The following FAM217B variants were observed in gnomAD, a reference collection of about 807,000 sequenced individuals.
FAM217B encodes family with sequence similarity 217 member B.
For missense variants in FAM217B, 463 were observed against 456.9 expected, an observed-to-expected ratio of 1.01 and a Z score of -0.12; for synonymous variants, 163 against 173.0, an observed-to-expected ratio of 0.94 and a Z score of 0.45.
At chr20:59,938,718 G>C (rs1227003241), upstream of FAM217B, 2 of 267,858 alleles carry the variant, frequency 7.5e-6, no homozygotes, top group Non-Finnish European at 1.4e-5. Flanking sequence ...AGGAGGACTT[G>C]GGCCTTTGCA....
intron 1 of FAM217B, among the ~76,000 whole-genome samples, chr20:59,935,133 A>G (rs2060852069): frequency 6.6e-6 from 1 of 152,236 alleles, no homozygotes; most frequent in African/African-American, 2.4e-5. Context: ...AAGATCGAAG[A>G]GTGCTTCAAA....
At position 59,944,824 on chromosome 20, in the gene FAM217B, A is replaced by G. The variant is rs1281676016; in HGVS notation, c.881A>G (p.Lys294Arg). 6.2e-6 allele frequency: 10 copies of G among 1,614,112 alleles called. No individual in the cohort carries two copies. The South Asian group carries it at 1.1e-4, about 18-fold the overall frequency. ...QTLEMRTEEKKKKSSKSTKLQ... is the reference protein window; with the variant it reads ...QTLEMRTEEKRKKSSKSTKLQ... ...CTTGAAATGAGGACAGAAGAAAAGA[A>G]AAAGAAATCAAGTAAGAGTACGAAG... Residue 294 changes from lysine to arginine, a missense_variant, in exon 4 of 4, where the codon AAA becomes AGA. Transcript: ENST00000360816.
In FAM217B at chr20:59,948,283, T is replaced by C. The variant is rs758518091; in HGVS notation, c.*3188T>C. On this transcript the variant is annotated 3_prime_UTR_variant, in exon 4 of 4. Transcript: ENST00000360816. ...AAAAAGGATGGGGAAGAGAATATCATTGGTCTTGCCATATACCTCCTAGCT... is the reference window on the plus strand; with the variant it reads ...AAAAAGGATGGGGAAGAGAATATCACTGGTCTTGCCATATACCTCCTAGCT... The C allele has an allele frequency of 1.2e-5, 2 of 167,036 alleles. No homozygotes were observed. The highest frequency in any genetic ancestry group is 2.9e-5 in the Non-Finnish European group (2 of 68,106). 10.3% of individuals were successfully genotyped at this position (167,036 alleles called of 1,614,324 possible).
At position 59,942,299 on chromosome 20, in the gene FAM217B, C is replaced by T. The variant is rs1388146980; in HGVS notation, c.-101C>T. ...AGATTGAGCAAGAATATTTTGAGCA[C>T]TACAGGAAAGGTAATGTAAACTTAG... On this transcript the variant is annotated 5_prime_UTR_variant, in exon 2 of 4. Transcript: ENST00000360816. 6.6e-6 allele frequency: 1 copy of T among 152,570 alleles called. No individual in the cohort carries two copies. The highest frequency in any genetic ancestry group is 6.5e-5 in the Admixed American group (1 of 15,276). The allele number at this position is 152,570 out of a possible 1,614,324, so 9.5% of individuals were successfully genotyped here.
chr20:59,944,818 A>C lies in FAM217B; in HGVS notation c.875A>C (p.Glu292Ala). ...QRQTLEMRTE[E>A]KKKKSSKSTK... The stretch of plus-strand genomic sequence containing the variant: ...CAAACCCTTGAAATGAGGACAGAAG[A>C]AAAGAAAAAGAAATCAAGTAAGAGT... Residue 292 changes from glutamate (E) to alanine (A), a missense_variant, in exon 4 of 4, where the codon GAA becomes GCA. By Grantham distance (107) the Glu-to-Ala change is moderately radical. Coordinates refer to ENST00000360816, the MANE Select transcript of FAM217B (RefSeq NM_022106.3). 1 of 1,614,200 alleles carries C rather than the reference A, an allele frequency of 6.2e-7. No individual in the cohort carries two copies.
chr20:59,935,509 T>C (rs1042794999), upstream of FAM217B, among the ~76,000 whole-genome samples: 1 of 152,222 alleles, frequency 6.6e-6, no homozygotes, highest in African/African-American at 2.4e-5. Flanking sequence ...GGTTCACACA[T>C]ATACTCCCTG....
rs1374637005 is a variant in FAM217B at position 59,944,550 on chromosome 20, G to C, written c.607G>C (p.Gly203Arg). The C allele has an allele frequency of 8.7e-6, 14 of 1,614,004 alleles. No homozygotes were observed. The highest frequency in any genetic ancestry group is 1.7e-5 in the Admixed American group (1 of 60,016). The change falls in exon 4 of 4, where the codon GGG becomes CGG. Residue 203 changes from glycine (G) to arginine (R), a missense_variant. Physicochemically the swap from Gly to Arg is moderately radical, Grantham distance 125 (BLOSUM62 -2). Transcript: ENST00000360816. ...GACTGTACAGTGTGAAAAAGCAAAG[G>C]GGGGCAAAGCAAGGCCCCCCACTGC... ...VQTVQCEKAK[G>R]GKARPPTAPG...
rs749772542 is a variant in FAM217B at position 59,943,903 on chromosome 20, CAT to C, written c.-4-34_-4-33del. ...TAATTATAGCCAGACCATTTTTTGT[CAT>C]ATGTGGTAAGAATTGCAGTTTTATT... On this transcript the variant is annotated intron_variant, in intron 3 of 3. Coordinates refer to ENST00000360816, the MANE Select transcript of FAM217B (RefSeq NM_022106.3). 4.1e-5 allele frequency: 62 copies of C among 1,497,980 alleles called. No individual in the cohort carries two copies. The East Asian group carries it at 1.4e-3, about 34-fold the overall frequency. 92.8% of individuals were successfully genotyped at this position (1,497,980 alleles called of 1,614,324 possible). A position where few individuals can be genotyped will look rare whatever the true frequency, so the allele number is the denominator to read the frequency against.
rs1340114831 is a variant in FAM217B, at chr20:59,944,060, T to C, written c.117T>C (p.Ala39=). 4 of 1,614,042 alleles carry C rather than the reference T, an allele frequency of 2.5e-6. No individual in the cohort carries two copies. Among genetic ancestry groups the C allele is most frequent in the Non-Finnish European group, 2.5e-6 (3 of 1,180,022 alleles). ...CCCAGCCGAGAAGCAGCCTCACAGC[T>C]GTCACCCAGCCTACTGAAGAAAAAC... ...ASSQPRSSLT[A]VTQPTEEKLK... The change falls in exon 4 of 4, where the codon GCT becomes GCC. Residue 39 remains alanine, a synonymous_variant. Coordinates refer to ENST00000360816, the MANE Select transcript of FAM217B (RefSeq NM_022106.3).
upstream of FAM217B, chr20:59,939,522 A>T: frequency 6.2e-7 from 1 of 1,611,990 alleles, no homozygotes. Context: ...GTCCGAGTTG[A>T]TTGCGAGCCG....
In FAM217B at chr20:59,940,440, T is replaced by TGCCGCAGCGC. The variant is rs1244423974; in HGVS notation, c.-289_-280dup. ...TGCGCGCCTCCGCCTCCAGCTCCCCTGCCGCAGCGCGCCGCAGCCGGGCGT... is the reference window on the plus strand; with the variant it reads ...TGCGCGCCTCCGCCTCCAGCTCCCCTGCCGCAGCGCGCCGCAGCGCGCCGCAGCCGGGCGT... On this transcript the variant is annotated 5_prime_UTR_variant, in exon 1 of 4. Transcript: ENST00000360816. The TGCCGCAGCGC allele has an allele frequency of 1.3e-4, 20 of 152,190 alleles. No individual in the cohort carries two copies. In the South Asian group the frequency reaches 3.5e-3, roughly 27 times the overall value. 9.4% of individuals were successfully genotyped at this position (152,190 alleles called of 1,614,324 possible).
chr20:59,939,734 G>A, upstream of FAM217B: 1 of 1,252,314 alleles, frequency 8.0e-7, no homozygotes, highest in South Asian at 3.2e-5. Context: ...GCAGGATGAT[G>A]GGCCGCAGGC....
In FAM217B at chr20:59,947,784, T is replaced by C. The variant is rs1234568383; in HGVS notation, c.*2689T>C. Reference sequence around the variant, plus strand: ...AATTAACATAAGCACAATTTTAATTTTATGATATCTGATATGCCTATCTAA... The same window carrying C: ...AATTAACATAAGCACAATTTTAATTCTATGATATCTGATATGCCTATCTAA... On this transcript the variant is annotated 3_prime_UTR_variant, in exon 4 of 4. Transcript: ENST00000360816. 1.2e-5 allele frequency: 2 copies of C among 167,042 alleles called. No individual in the cohort carries two copies. Among genetic ancestry groups the C allele is most frequent in the African/African-American group, 4.8e-5 (2 of 41,444 alleles). 10.3% of individuals were successfully genotyped at this position (167,042 alleles called of 1,614,324 possible). A position where few individuals can be genotyped will look rare whatever the true frequency, so the allele number is the denominator to read the frequency against.
At chr20:59,936,936 G>T (rs1425751288), upstream of FAM217B, 2 of 152,552 alleles carry the variant, frequency 1.3e-5, no homozygotes, top group Non-Finnish European at 2.9e-5. Flanking sequence ...CAGCCCACTA[G>T]AAAATTTTAA....
At chr20:59,935,196 T>C (rs1414423103) in intron 1 of FAM217B, among the ~76,000 whole-genome samples, 1 of 152,212 alleles carries the variant, frequency 6.6e-6, no homozygotes, top group Non-Finnish European at 1.5e-5. Flanking sequence ...TTTCCGCCAA[T>C]AGATCTAAGA....
upstream of FAM217B, chr20:59,939,986 C>T (rs949145517): frequency 4.9e-6 from 6 of 1,227,166 alleles, no homozygotes; most frequent in South Asian, 8.4e-5. Context: ...CTCCCGACCC[C>T]GCGACAGCTC....
chr20:59,943,265 G>C (rs73309272), intron 3 of FAM217B, among the ~76,000 whole-genome samples: 5,962 of 152,142 alleles, frequency 0.039, 365 homozygotes, highest in African/African-American at 0.13. Context: ...GTAACACTAA[G>C]ACCCTGTGTT....
Position 59,945,369 on chromosome 20 carries a change from T to C in FAM217B, c.*274T>C, listed in dbSNP as rs2060931242. ...ATATGTGCCATATAAAGGAATAAAA[T>C]GGCACCTCTCCAGGGAAAGTGTCAG... On this transcript the variant is annotated 3_prime_UTR_variant, in exon 4 of 4. Coordinates refer to ENST00000360816, the MANE Select transcript of FAM217B (RefSeq NM_022106.3). The C allele has an allele frequency of 6.6e-6, 2 of 304,158 alleles. No homozygotes were observed. The highest frequency in any genetic ancestry group is 1.3e-5 in the Non-Finnish European group (2 of 153,356). The allele number at this position is 304,158 out of a possible 1,614,324, so 18.8% of individuals were successfully genotyped here. A position where few individuals can be genotyped will look rare whatever the true frequency, so the allele number is the denominator to read the frequency against.
At chr20:59,940,017 A>G (rs926318383), upstream of FAM217B, 1 of 1,141,668 alleles carries the variant, frequency 8.8e-7, no homozygotes, top group Admixed American at 4.3e-5. Flanking sequence ...CAGAAGCCGC[A>G]GAGAGTCCAC....
Sources: gnomAD v4.1 joint callset for allele counts (sites outside exome capture counted in the v4.1 genomes callset) on GRCh38, gnomAD v4.1.1 for gene constraint, MANE v1.5 for transcripts, NCBI Gene and HGNC (gene_info 2026-07-23, HGNC 2026-07-21) for gene names.